ZFYVE9: variants seen among roughly 807,000 people sequenced by gnomAD.
ZFYVE9 encodes the protein zinc finger FYVE-type containing 9.
In ZFYVE9, 43 loss-of-function variants were observed where a neutral mutation model predicts 126.7. The ratio of observed to expected loss-of-function variants is 0.34; its 90% CI spans 0.27 to 0.44. The LOEUF (loss-of-function observed/expected upper bound fraction) is 0.44, where lower values mean the gene tolerates loss of function less well. Ranked by LOEUF, ZFYVE9 falls within the 20% of genes least tolerant of loss-of-function variation. The pLI, the probability that ZFYVE9 is intolerant of heterozygous loss-of-function variation, is 1.00. For missense variants in ZFYVE9, 1,476 were observed against 1,697.0 expected, an observed-to-expected ratio of 0.87 and a Z score of 2.29; for synonymous variants, 521 against 597.4, an observed-to-expected ratio of 0.87 and a Z score of 1.87.
chr1:52,181,126 A>T (rs2124540025), intron 1 of ZFYVE9, among the ~76,000 whole-genome samples: 1 of 151,128 alleles, frequency 6.6e-6, no homozygotes, highest in African/African-American at 2.4e-5. Flanking sequence ...TCTCCCTCTG[A>T]TGCCGAGCCG....
chr1:52,264,758 G>GT (rs1645616576), intron 5 of ZFYVE9, among the ~76,000 whole-genome samples: 1 of 152,106 alleles, frequency 6.6e-6, no homozygotes, highest in South Asian at 2.1e-4. Context: ...TGATAGTGAT[G>GT]TTTTCTTGTT....
At chr1:52,190,723 T>G (rs1276565283) in intron 1 of ZFYVE9, among the ~76,000 whole-genome samples, 1 of 152,204 alleles carries the variant, frequency 6.6e-6, no homozygotes, top group African/African-American at 2.4e-5. Flanking sequence ...ACTTTAAACA[T>G]GGCTGAGATA....
intron 4 of ZFYVE9, among the ~76,000 whole-genome samples, chr1:52,255,477 CAG>C (rs1645495452): frequency 6.6e-6 from 1 of 151,280 alleles, no homozygotes; most frequent in South Asian, 2.1e-4. Flanking sequence ...CCCGGCTACT[CAG>C]GGGGCTGAGG....
chr1:52,152,839 C>A (rs563230198), intron 1 of ZFYVE9, among the ~76,000 whole-genome samples: 1 of 152,138 alleles, frequency 6.6e-6, no homozygotes, highest in Non-Finnish European at 1.5e-5. Context: ...GGTTCAGGTC[C>A]GCTGGGAAGC....
chr1:52,285,315 T>A (rs1569670663), intron 10 of ZFYVE9, among the ~76,000 whole-genome samples: 2 of 152,166 alleles, frequency 1.3e-5, no homozygotes, highest in Admixed American at 6.6e-5. Flanking sequence ...TAAAAGCATA[T>A]TTTGGGTGTT....
intron 1 of ZFYVE9, chr1:52,162,871 C>A: frequency 2.1e-6 from 1 of 476,308 alleles, no homozygotes; most frequent in South Asian, 2.5e-5. Flanking sequence ...TGATCTTGAT[C>A]GAGAATGGGA....
At chr1:52,301,504 GTGT>G (rs1407648810) in intron 12 of ZFYVE9, among the ~76,000 whole-genome samples, 1 of 151,646 alleles carries the variant, frequency 6.6e-6, no homozygotes, top group East Asian at 1.9e-4. Flanking sequence ...AGGCCTCGCA[GTGT>G]TTCTCAGACT....
At chr1:52,289,583 A>G (rs1645897616) in intron 10 of ZFYVE9, among the ~76,000 whole-genome samples, 1 of 152,206 alleles carries the variant, frequency 6.6e-6, no homozygotes, top group African/African-American at 2.4e-5. Context: ...AGAAGTACCT[A>G]TATAAATTAG....
chr1:52,338,940 G>A (rs534336301), intron 16 of ZFYVE9, among the ~76,000 whole-genome samples: 8 of 152,308 alleles, frequency 5.3e-5, no homozygotes, highest in Non-Finnish European at 1.0e-4. Flanking sequence ...GAATCGGGAG[G>A]CGGAGGTTTC....
At chr1:52,340,941 G>A (rs547912423) in intron 17 of ZFYVE9, among the ~76,000 whole-genome samples, 8 of 151,012 alleles carry the variant, frequency 5.3e-5, no homozygotes, top group Admixed American at 3.3e-4. Flanking sequence ...AAACTAGGCC[G>A]GGTGTGGTGG....
At chr1:52,332,951 T>C in intron 14 of ZFYVE9, 33 bp downstream of exon 14, 2 of 1,613,408 alleles carry the variant, frequency 1.2e-6, no homozygotes. Context: ...ATTATGATAA[T>C]GGAAAATTAT....
chr1:52,276,511 A>G (rs1332033629), intron 8 of ZFYVE9, among the ~76,000 whole-genome samples: 3 of 152,204 alleles, frequency 2.0e-5, no homozygotes, highest in Non-Finnish European at 1.5e-5. Context: ...AAACAATTAT[A>G]TAACTACACC....
rs538444620 is a variant in ZFYVE9, at chr1:52,225,255, AT to A, written c.-36-7914del. Among the ~76,000 whole-genome samples the A allele has an allele frequency of 2.6e-4, 40 of 152,234 alleles. 1 individual carries two copies. In the East Asian group the frequency reaches 7.7e-3, roughly 29 times the overall value. ...GGATTTATTCGTCACTTTGGGCGAGATTCGATCCTCCACTCCTGGGGCCACC... is the reference window on the plus strand; with the variant it reads ...GGATTTATTCGTCACTTTGGGCGAGATCGATCCTCCACTCCTGGGGCCACC... On this transcript the variant is annotated intron_variant, in intron 2 of 18. Coordinates refer to ENST00000287727, the MANE Select transcript of ZFYVE9 (RefSeq NM_004799.4).
chr1:52,168,308 C>G (rs1644532428), intron 1 of ZFYVE9, among the ~76,000 whole-genome samples: 1 of 149,864 alleles, frequency 6.7e-6, no homozygotes, highest in Non-Finnish European at 1.5e-5. Context: ...CCTCTGCTGC[C>G]CAGGTTCAAG....
intron 8 of ZFYVE9, 97 bp downstream of exon 8, chr1:52,274,681 T>G: frequency 7.5e-7 from 1 of 1,330,592 alleles, no homozygotes; most frequent in Middle Eastern, 2.4e-4. Flanking sequence ...CATTCACCTT[T>G]CTCTTATCCA....
chr1:52,281,002 T>A (rs189762000), intron 9 of ZFYVE9, among the ~76,000 whole-genome samples: 18 of 152,274 alleles, frequency 1.2e-4, no homozygotes, highest in Admixed American at 9.2e-4. Flanking sequence ...ACGTTTGGCT[T>A]ACAATACATA....
At chr1:52,250,303 T>C (rs76993473) in intron 4 of ZFYVE9, among the ~76,000 whole-genome samples, 3,613 of 152,298 alleles carry the variant, frequency 0.024, 104 homozygotes, top group East Asian at 0.12. Flanking sequence ...CTTTTGTCTT[T>C]TGTAGTTTTC....
intron 2 of ZFYVE9, among the ~76,000 whole-genome samples, chr1:52,230,600 C>T (rs1325846584): frequency 6.6e-6 from 1 of 151,596 alleles, no homozygotes; most frequent in Non-Finnish European, 1.5e-5. Context: ...TTTCAGCCCT[C>T]ATGCTGTTTT....
intron 3 of ZFYVE9, 72 bp from the exon 4 acceptor site, chr1:52,237,416 A>G: frequency 7.7e-7 from 1 of 1,304,130 alleles, no homozygotes; most frequent in Non-Finnish European, 1.0e-6. Flanking sequence ...ATAGTTAGAA[A>G]TGTTATTAAC....
Sources: gnomAD v4.1 joint callset for allele counts (sites outside exome capture counted in the v4.1 genomes callset) on GRCh38, gnomAD v4.1.1 for gene constraint, MANE v1.5 for transcripts, NCBI Gene and HGNC (gene_info 2026-07-23, HGNC 2026-07-21) for gene names.